The following PGM5 variants were observed in gnomAD, a reference collection of about 807,000 sequenced individuals.
PGM5 encodes the protein phosphoglucomutase-like protein 5.
PGM5 carries 23 observed loss-of-function variants against 59.2 expected under a neutral mutation model. The observed-to-expected ratio is 0.39, with a 90% CI of 0.28 to 0.55. PGM5 has a LOEUF of 0.55. Among genes scored for constraint, PGM5 ranks in the 20% least tolerant of loss-of-function variants. PGM5 has a pLI of 0.66. For synonymous variants in PGM5, 214 were observed against 286.0 expected, an observed-to-expected ratio of 0.75 and a Z score of 2.54; for missense variants, 574 against 748.3, an observed-to-expected ratio of 0.77 and a Z score of 2.72.
chr9:68,372,527 G>A (rs1267302610), intron 1 of PGM5, among the ~76,000 whole-genome samples: 2 of 152,070 alleles, frequency 1.3e-5, no homozygotes, highest in African/African-American at 4.8e-5. Context: ...GGTAGAGTAG[G>A]CACTCTGCAG....
chr9:68,365,334 T>C (rs1408150908), intron 1 of PGM5, among the ~76,000 whole-genome samples: 2 of 147,270 alleles, frequency 1.4e-5, no homozygotes, highest in Admixed American at 6.8e-5. Flanking sequence ...GCCTTAAGAG[T>C]CAATTTGCAA....
At chr9:68,396,695 G>A (rs1356258536) in intron 6 of PGM5, 2 of 152,214 alleles carry the variant, frequency 1.3e-5, no homozygotes, top group Non-Finnish European at 1.5e-5. Context: ...CTGTTGTGTA[G>A]GTCCCAGGTG....
intron 6 of PGM5, among the ~76,000 whole-genome samples, chr9:68,444,277 T>C (rs1191943652): frequency 1.3e-5 from 2 of 152,126 alleles, no homozygotes; most frequent in Admixed American, 6.6e-5. Context: ...TCTCACATCC[T>C]CTCTGCTTCC....
chr9:68,524,700 G>C (rs1824946195), intron 10 of PGM5, among the ~76,000 whole-genome samples: 1 of 152,128 alleles, frequency 6.6e-6, no homozygotes, highest in Non-Finnish European at 1.5e-5. Flanking sequence ...GGACTCATCT[G>C]GTCCAATAGG....
At chr9:68,419,773 A>T (rs1323204629) in intron 6 of PGM5, among the ~76,000 whole-genome samples, 5 of 152,174 alleles carry the variant, frequency 3.3e-5, no homozygotes, top group African/African-American at 1.2e-4. Context: ...TGTAACATCT[A>T]GGGCAGGATT....
intron 9 of PGM5, among the ~76,000 whole-genome samples, chr9:68,494,799 C>T (rs1554688067): frequency 6.6e-6 from 1 of 152,180 alleles, no homozygotes. Flanking sequence ...GATGCTATGC[C>T]AGGCACTTTC....
intron 6 of PGM5, among the ~76,000 whole-genome samples, chr9:68,432,869 A>G (rs925590892): frequency 2.0e-5 from 3 of 152,152 alleles, no homozygotes; most frequent in Non-Finnish European, 2.9e-5. Flanking sequence ...GACCTCCCAA[A>G]GTGCTGGGAT....
chr9:68,429,147 T>C (rs1002253150), intron 6 of PGM5: 1 of 152,182 alleles, frequency 6.6e-6, no homozygotes, highest in African/African-American at 2.4e-5. Context: ...GTTTTAAAAA[T>C]GATATGAAGT....
At chr9:68,406,678 GTATATATATATATATATATATATATATA>G (rs782034091) in intron 6 of PGM5, among the ~76,000 whole-genome samples, 1 of 23,600 alleles carries the variant, frequency 4.2e-5, no homozygotes, top group African/African-American at 1.8e-4. Context: ...ATATATATAT[GTATATATATATATATATATATATATATA>G]TATATATATA....
chr9:68,470,853 G>A (rs1054136290), intron 7 of PGM5, among the ~76,000 whole-genome samples: 1 of 152,212 alleles, frequency 6.6e-6, no homozygotes, highest in African/African-American at 2.4e-5. Flanking sequence ...CAGGCTGAGT[G>A]CATGTGTGCA....
chr9:68,411,606 A>G (rs1459596801), intron 6 of PGM5, among the ~76,000 whole-genome samples: 1 of 151,744 alleles, frequency 6.6e-6, no homozygotes, highest in African/African-American at 2.4e-5. Context: ...CAACTTACTC[A>G]CTTGCTTATC....
intron 6 of PGM5, among the ~76,000 whole-genome samples, chr9:68,438,497 G>C (rs1219404807): frequency 6.6e-6 from 1 of 152,084 alleles, no homozygotes; most frequent in Non-Finnish European, 1.5e-5. Context: ...GAATCTGAAT[G>C]TTGAAAAAGC....
intron 6 of PGM5, among the ~76,000 whole-genome samples, chr9:68,438,932 G>T (rs901250160): frequency 6.6e-6 from 1 of 152,000 alleles, no homozygotes; most frequent in Non-Finnish European, 1.5e-5. Flanking sequence ...AATCCAAGAT[G>T]GCCAAAAAGA....
At chr9:68,425,741 T>C (rs1307811634) in intron 6 of PGM5, among the ~76,000 whole-genome samples, 1 of 152,188 alleles carries the variant, frequency 6.6e-6, no homozygotes, top group Non-Finnish European at 1.5e-5. Context: ...ATTGTGTTCA[T>C]TGGCCAAACA....
At chr9:68,372,996 C>T (rs1821781140) in intron 1 of PGM5, among the ~76,000 whole-genome samples, 1 of 151,984 alleles carries the variant, frequency 6.6e-6, no homozygotes, top group African/African-American at 2.4e-5. Flanking sequence ...CTGAGGATTA[C>T]ATTTCAATAT....
chr9:68,430,282 T>C (rs1304304568), intron 6 of PGM5, among the ~76,000 whole-genome samples: 1 of 152,248 alleles, frequency 6.6e-6, no homozygotes, highest in Non-Finnish European at 1.5e-5. Context: ...ATTTTATTTC[T>C]AAATTTTTAT....
At chr9:68,462,919 TGAAA>T (rs1554685518) in intron 6 of PGM5, among the ~76,000 whole-genome samples, 4 of 152,094 alleles carry the variant, frequency 2.6e-5, no homozygotes, top group African/African-American at 9.7e-5. Flanking sequence ...TAAAGGTAAA[TGAAA>T]ATTTACCTTT....
At chr9:68,522,234 G>T (rs937677109) in intron 10 of PGM5, among the ~76,000 whole-genome samples, 4 of 152,200 alleles carry the variant, frequency 2.6e-5, no homozygotes, top group Non-Finnish European at 2.9e-5. Flanking sequence ...GGGCTCACAT[G>T]AACAAGTCTC....
chr9:68,359,035 C>T (rs571460202), intron 1 of PGM5, among the ~76,000 whole-genome samples: 2 of 152,040 alleles, frequency 1.3e-5, no homozygotes, highest in African/African-American at 2.4e-5. Context: ...TACTTCTTCC[C>T]GAGCCAATTT....
Sources: gnomAD v4.1 joint callset for allele counts (sites outside exome capture counted in the v4.1 genomes callset) on GRCh38, gnomAD v4.1.1 for gene constraint, MANE v1.5 for transcripts, NCBI Gene and HGNC (gene_info 2026-07-23, HGNC 2026-07-21) for gene names.